RANBP2: variants seen among roughly 807,000 people sequenced by gnomAD.
RANBP2 encodes the protein RAN binding protein 2.
Under a neutral mutation model 303.6 loss-of-function variants are expected in RANBP2, and 57 were observed. That is an observed-to-expected ratio of 0.19 (90% CI 0.15 to 0.23). The LOEUF is 0.23. RANBP2 is among the 10% of genes least tolerant of loss of function. The probability of loss-of-function intolerance (pLI) is 1.00; values close to 1 mark genes in which losing one functional copy is unlikely to be tolerated. For missense variants in RANBP2, 3,138 were observed against 3,780.8 expected, an observed-to-expected ratio of 0.83 and a Z score of 4.46; for synonymous variants, 1,167 against 1,301.5, an observed-to-expected ratio of 0.90 and a Z score of 2.23.
the RANBP2 span, among the ~76,000 whole-genome samples, chr2:108,964,163 C>T: frequency 6.6e-6 from 1 of 152,160 alleles, no homozygotes; most frequent in African/African-American, 2.4e-5. Flanking sequence ...CTTTCAGATC[C>T]CTCCCACCTC....
chr2:109,260,727 C>T, the RANBP2 span, among the ~76,000 whole-genome samples: 9 of 152,180 alleles, frequency 5.9e-5, no homozygotes, highest in Non-Finnish European at 1.2e-4. Context: ...TGGCCTGATA[C>T]TGTCCATGGG....
chr2:109,344,601 C>T, the RANBP2 span, among the ~76,000 whole-genome samples: 5 of 152,176 alleles, frequency 3.3e-5, no homozygotes, highest in African/African-American at 1.2e-4. Context: ...CCATGACAGG[C>T]TGATGGGCCA....
chr2:109,463,508 G>A, the RANBP2 span, among the ~76,000 whole-genome samples: 2 of 152,212 alleles, frequency 1.3e-5, no homozygotes. Flanking sequence ...TCACACATCT[G>A]TTTCTCATAG....
the RANBP2 span, among the ~76,000 whole-genome samples, chr2:109,408,965 C>T: frequency 1.5e-4 from 23 of 152,294 alleles, no homozygotes; most frequent in Admixed American, 3.3e-4. Context: ...AGAAGAAAGG[C>T]TCCAGGGCAA....
the RANBP2 span, among the ~76,000 whole-genome samples, chr2:109,315,588 A>G: frequency 5.9e-5 from 9 of 152,330 alleles, no homozygotes; most frequent in Admixed American, 5.9e-4. Context: ...TCTGTGCAGA[A>G]CTTTCAGAAA....
At chr2:109,277,712 G>T in the RANBP2 span, among the ~76,000 whole-genome samples, 3 of 152,232 alleles carry the variant, frequency 2.0e-5, no homozygotes, top group African/African-American at 4.8e-5. Context: ...CAGGTGTATT[G>T]TGACAACAAG....
At chr2:108,990,881 AAATG>A in the RANBP2 span, among the ~76,000 whole-genome samples, 1 of 152,244 alleles carries the variant, frequency 6.6e-6, no homozygotes, top group African/African-American at 2.4e-5. Context: ...GAACCTGGGA[AAATG>A]AATGGGAGGT....
At chr2:109,249,523 C>T in the RANBP2 span, among the ~76,000 whole-genome samples, 1,164 of 106,960 alleles carry the variant, frequency 0.011, 7 homozygotes, top group Non-Finnish European at 0.016. Flanking sequence ...CTTTCTTTTT[C>T]TTTCTTTCTT....
chr2:108,907,495 A>C, the RANBP2 span, among the ~76,000 whole-genome samples: 1 of 152,054 alleles, frequency 6.6e-6, no homozygotes, highest in South Asian at 2.1e-4. Flanking sequence ...AAATATAAAA[A>C]AAATTAGCTG....
chr2:108,940,656 A>C, the RANBP2 span, among the ~76,000 whole-genome samples: 1 of 152,220 alleles, frequency 6.6e-6, no homozygotes, highest in Non-Finnish European at 1.5e-5. Context: ...AATAACAAAG[A>C]AGCAGCTTCT....
the RANBP2 span, among the ~76,000 whole-genome samples, chr2:109,330,976 A>G: frequency 6.6e-6 from 1 of 152,228 alleles, no homozygotes; most frequent in Non-Finnish European, 1.5e-5. Flanking sequence ...AGGTTGTGCC[A>G]TGCATTAGTT....
chr2:108,868,154 A>G, the RANBP2 span, among the ~76,000 whole-genome samples: 8 of 152,248 alleles, frequency 5.3e-5, no homozygotes. Context: ...TGGCAGATAA[A>G]TAATTACCTT....
the RANBP2 span, chr2:109,604,804 G>C: frequency 6.6e-6 from 1 of 152,182 alleles, no homozygotes; most frequent in Non-Finnish European, 1.5e-5. Flanking sequence ...AAATCACAGT[G>C]AGCTCATCAC....
the RANBP2 span, chr2:109,437,132 G>T: frequency 6.2e-7 from 1 of 1,611,380 alleles, no homozygotes; most frequent in Non-Finnish European, 8.5e-7. Flanking sequence ...CAAGCCCGGA[G>T]CACCATTTCA....
At chr2:109,707,668 G>T in the RANBP2 span, among the ~76,000 whole-genome samples, 1 of 152,132 alleles carries the variant, frequency 6.6e-6, no homozygotes, top group Non-Finnish European at 1.5e-5. Flanking sequence ...GACAGCATCC[G>T]CCTGTTCTGA....
At chr2:108,923,208 C>T in the RANBP2 span, among the ~76,000 whole-genome samples, 1 of 152,202 alleles carries the variant, frequency 6.6e-6, no homozygotes, top group Non-Finnish European at 1.5e-5. Context: ...TCCCTCCCTT[C>T]ATAGACCTGC....
the RANBP2 span, chr2:109,585,349 G>A: frequency 6.5e-7 from 1 of 1,535,856 alleles, no homozygotes; most frequent in Non-Finnish European, 8.8e-7. Context: ...ACATCTTTAT[G>A]GTTGCATGAA....
At chr2:109,339,812 G>A in the RANBP2 span, among the ~76,000 whole-genome samples, 4 of 152,204 alleles carry the variant, frequency 2.6e-5, no homozygotes, top group Non-Finnish European at 5.9e-5. Flanking sequence ...TTGGATAAAT[G>A]TAAACAGATC....
At chr2:108,929,216 C>T in the RANBP2 span, 5 of 1,613,990 alleles carry the variant, frequency 3.1e-6, no homozygotes, top group Middle Eastern at 1.6e-4. Flanking sequence ...GCAAGGGCCA[C>T]ACTCAGCGTC....
Sources: allele counts gnomAD v4.1 joint callset (sites outside exome capture counted in the v4.1 genomes callset), GRCh38; gene constraint gnomAD v4.1.1; transcripts MANE v1.5; gene names NCBI Gene and HGNC (gene_info 2026-07-23, HGNC 2026-07-21).